Variants in LOC400499 observed in about 807,000 individuals in gnomAD.
At chr16:11,455,359 T>C in the LOC400499 span, among the ~76,000 whole-genome samples, 1 of 152,192 alleles carries the variant, frequency 6.6e-6, no homozygotes, top group Non-Finnish European at 1.5e-5. Context: ...AATAACAGCA[T>C]GATTATATTA....
At chr16:11,486,661 G>A in the LOC400499 span, among the ~76,000 whole-genome samples, 1 of 112,882 alleles carries the variant, frequency 8.9e-6, no homozygotes, top group African/African-American at 3.6e-5. Context: ...AATGGATGAT[G>A]GGTGGGTAGG....
At chr16:11,493,317 G>A in the LOC400499 span, among the ~76,000 whole-genome samples, 1 of 152,206 alleles carries the variant, frequency 6.6e-6, no homozygotes, top group Non-Finnish European at 1.5e-5. Context: ...TAAGTGAGTG[G>A]GCATGCCTGT....
chr16:11,408,314 G>A, the LOC400499 span, among the ~76,000 whole-genome samples: 69 of 152,182 alleles, frequency 4.5e-4, no homozygotes, highest in African/African-American at 1.5e-3. Context: ...CTCACTAGAG[G>A]CGTCATTTCG....
chr16:11,469,657 C>T, the LOC400499 span: 1 of 399,116 alleles, frequency 2.5e-6, no homozygotes, highest in Middle Eastern at 6.3e-4. Flanking sequence ...TTGGGGGAAC[C>T]AGCTGCCCTT....
At chr16:11,402,554 C>T in the LOC400499 span, among the ~76,000 whole-genome samples, 1 of 152,230 alleles carries the variant, frequency 6.6e-6, no homozygotes, top group African/African-American at 2.4e-5. Context: ...CCTGTCCAGC[C>T]ACATGAGAAC....
At chr16:11,462,002 TG>T in the LOC400499 span, 1 of 955,654 alleles carries the variant, frequency 1.0e-6, no homozygotes, top group Non-Finnish European at 1.4e-6. Flanking sequence ...TGCCCTTGGA[TG>T]GGATGTTGAT....
chr16:11,447,532 T>C, the LOC400499 span, among the ~76,000 whole-genome samples: 1 of 152,124 alleles, frequency 6.6e-6, no homozygotes, highest in South Asian at 2.1e-4. Flanking sequence ...ACTGCTTCTG[T>C]TTAGGCTGTA....
chr16:11,457,830 C>A, the LOC400499 span, among the ~76,000 whole-genome samples: 2 of 152,138 alleles, frequency 1.3e-5, no homozygotes, highest in East Asian at 1.9e-4. Flanking sequence ...GAGTATTCGG[C>A]CTTAAAAAGG....
the LOC400499 span, among the ~76,000 whole-genome samples, chr16:11,449,500 G>C: frequency 1.3e-5 from 2 of 152,298 alleles, no homozygotes; most frequent in East Asian, 3.9e-4. Context: ...AGAGGTGGGT[G>C]TCATCTGGCT....
At chr16:11,401,612 G>A in the LOC400499 span, among the ~76,000 whole-genome samples, 1 of 152,246 alleles carries the variant, frequency 6.6e-6, no homozygotes, top group African/African-American at 2.4e-5. Context: ...GGAGCAGATG[G>A]AGCGAACACA....
the LOC400499 span, among the ~76,000 whole-genome samples, chr16:11,433,854 AC>A: frequency 6.6e-6 from 1 of 152,210 alleles, no homozygotes; most frequent in Non-Finnish European, 1.5e-5. Context: ...CTTGCCCTAT[AC>A]CTTGCCCTAT....
At chr16:11,483,202 T>C in the LOC400499 span, among the ~76,000 whole-genome samples, 1 of 152,188 alleles carries the variant, frequency 6.6e-6, no homozygotes, top group East Asian at 1.9e-4. Context: ...TCTCACACAA[T>C]GCTGGTGGGA....
chr16:11,423,167 G>C, the LOC400499 span: 1 of 399,416 alleles, frequency 2.5e-6, no homozygotes, highest in East Asian at 3.6e-5. Flanking sequence ...GCCCAGGACA[G>C]AGACCCCATA....
At chr16:11,524,491 T>C in the LOC400499 span, among the ~76,000 whole-genome samples, 3 of 151,750 alleles carry the variant, frequency 2.0e-5, no homozygotes, top group Non-Finnish European at 4.4e-5. Flanking sequence ...ACCCTCATCC[T>C]GAATGAATCA....
the LOC400499 span, among the ~76,000 whole-genome samples, chr16:11,489,309 G>A: frequency 3.3e-5 from 5 of 152,166 alleles, 1 homozygote; most frequent in Admixed American, 3.3e-4. Flanking sequence ...TCCAGCTCTT[G>A]GAACCTTAGT....
At chr16:11,402,008 C>T in the LOC400499 span, 32 of 399,118 alleles carry the variant, frequency 8.0e-5, no homozygotes, top group East Asian at 1.1e-3. Context: ...AGCTCTGCCC[C>T]AGGGTCACCT....
At chr16:11,498,488 T>A in the LOC400499 span, among the ~76,000 whole-genome samples, 1 of 120,814 alleles carries the variant, frequency 8.3e-6, no homozygotes, top group Non-Finnish European at 1.7e-5. Flanking sequence ...TCTCAAAAAA[T>A]AATAATGATT....
At chr16:11,374,881 C>T in the LOC400499 span, among the ~76,000 whole-genome samples, 3 of 152,184 alleles carry the variant, frequency 2.0e-5, no homozygotes, top group Non-Finnish European at 2.9e-5. Context: ...CAGAGTCTGG[C>T]TCTGTCACCC....
the LOC400499 span, chr16:11,484,864 G>A: frequency 7.5e-6 from 3 of 398,908 alleles, no homozygotes; most frequent in African/African-American, 4.1e-5. Context: ...CAGTGGGTGT[G>A]GCCACCTCCC....
Sources: allele counts gnomAD v4.1 joint callset (sites outside exome capture counted in the v4.1 genomes callset), GRCh38; gene constraint gnomAD v4.1.1; transcripts MANE v1.5.